BNIP3L: variants seen among roughly 807,000 people sequenced by gnomAD.
BNIP3L encodes the protein BCL2 interacting protein 3 like.
Under a neutral mutation model 25.5 loss-of-function variants are expected in BNIP3L, and 10 were observed. The ratio of observed to expected loss-of-function variants is 0.39; its 90% CI spans 0.24 to 0.67. BNIP3L has a LOEUF of 0.67. BNIP3L is among the 30% of genes least tolerant of loss of function. The pLI, the probability that BNIP3L is intolerant of heterozygous loss-of-function variation, is 0.45. For missense variants in BNIP3L, 215 were observed against 270.9 expected, an observed-to-expected ratio of 0.79 and a Z score of 1.45; for synonymous variants, 113 against 101.2, an observed-to-expected ratio of 1.12 and a Z score of -0.70.
intron 3 of BNIP3L, 21 bp downstream of exon 3, chr8:26,395,323 T>A (rs1323597890): frequency 6.2e-7 from 1 of 1,605,940 alleles, no homozygotes; most frequent in East Asian, 2.2e-5. Context: ...GGGATTCTGA[T>A]TTACAGTAAA....
chr8:26,383,820 TG>T (rs1370731892), intron 1 of BNIP3L, among the ~76,000 whole-genome samples: 1 of 152,160 alleles, frequency 6.6e-6, no homozygotes, highest in Non-Finnish European at 1.5e-5. Flanking sequence ...CAGTCACGTG[TG>T]GGGTGAGAGG....
At position 26,407,926 on chromosome 8, in the gene BNIP3L, CT is replaced by C. The variant is rs148067521; in HGVS notation, c.358-73del. 6.7e-4 allele frequency: 877 copies of C among 1,316,118 alleles called. 12 individuals are homozygous for C. The East Asian group carries it at 0.016, about 24-fold the overall frequency. The allele number at this position is 1,316,118 out of a possible 1,614,324, so 81.5% of individuals were successfully genotyped here. ...CAACCTTATGAGTTTGGTATCTTTT[CT>C]GTCTAGATTTTTCTTTGTATTAGGA... On this transcript the variant is annotated intron_variant, in intron 3 of 5. Coordinates refer to ENST00000380629, the MANE Select transcript of BNIP3L (RefSeq NM_004331.3).
At chr8:26,401,800 A>T (rs904048334) in intron 3 of BNIP3L, among the ~76,000 whole-genome samples, 1 of 152,170 alleles carries the variant, frequency 6.6e-6, no homozygotes, top group African/African-American at 2.4e-5. Context: ...ACATAGATGG[A>T]TATAGTATTA....
intron 3 of BNIP3L, among the ~76,000 whole-genome samples, chr8:26,404,022 C>A (rs999030048): frequency 6.6e-6 from 1 of 152,074 alleles, no homozygotes; most frequent in African/African-American, 2.4e-5. Context: ...TAAATGAATT[C>A]GATTGATAAC....
chr8:26,408,311 C>T lies in BNIP3L; in HGVS notation c.546C>T (p.Ser182=), dbSNP rs14994. The change falls in exon 5 of 6, where the codon TCC becomes TCT. Residue 182 remains serine, a synonymous_variant. Coordinates refer to ENST00000380629, the MANE Select transcript of BNIP3L (RefSeq NM_004331.3). ...SGAMKKGGIF[S]AEFLKVFIPS... is the part of the protein sequence containing the mutation. Reference sequence around the variant, plus strand: ...CCATGAAGAAAGGGGGTATTTTCTCCGCAGAATTTCTGAAGGTGTTCATTC... The same window carrying T: ...CCATGAAGAAAGGGGGTATTTTCTCTGCAGAATTTCTGAAGGTGTTCATTC... 91 of 1,614,132 alleles carry T rather than the reference C, an allele frequency of 5.6e-5. 1 individual carries two copies. Among genetic ancestry groups the T allele is most frequent in the East Asian group, 1.6e-4 (7 of 44,886 alleles).
chr8:26,406,236 C>T (rs1202135047), intron 3 of BNIP3L, among the ~76,000 whole-genome samples: 1 of 152,156 alleles, frequency 6.6e-6, no homozygotes, highest in East Asian at 1.9e-4. Context: ...TAAATTCTGA[C>T]TCAACTTATT....
intron 1 of BNIP3L, among the ~76,000 whole-genome samples, chr8:26,383,968 T>C (rs1805923360): frequency 6.6e-6 from 1 of 152,076 alleles, no homozygotes; most frequent in Admixed American, 6.6e-5. Context: ...CCACCCAAGA[T>C]TGCACACGTC....
intron 2 of BNIP3L, 138 bp from the exon 3 acceptor site, chr8:26,395,092 A>G: frequency 2.8e-6 from 2 of 708,554 alleles, no homozygotes; most frequent in Non-Finnish European, 4.4e-6. Flanking sequence ...TTTTTCTTGT[A>G]TAGGGTTATG....
At chr8:26,401,059 T>C (rs1351541157) in intron 3 of BNIP3L, among the ~76,000 whole-genome samples, 1 of 138,716 alleles carries the variant, frequency 7.2e-6, no homozygotes, top group African/African-American at 2.6e-5. Context: ...AGCCATCCCA[T>C]TACTGGGTAT....
chr8:26,390,838 C>A (rs958769007), intron 1 of BNIP3L, among the ~76,000 whole-genome samples: 1 of 152,100 alleles, frequency 6.6e-6, no homozygotes, highest in African/African-American at 2.4e-5. Context: ...TACAGCTGAG[C>A]AGCTTAGGTA....
chr8:26,401,537 G>A (rs1040765712), intron 3 of BNIP3L, among the ~76,000 whole-genome samples: 44 of 139,062 alleles, frequency 3.2e-4, no homozygotes, highest in African/African-American at 1.2e-3. Context: ...TGCACAATGT[G>A]CACATGTACC....
chr8:26,393,761 A>G (rs1447413070), intron 2 of BNIP3L, among the ~76,000 whole-genome samples: 1 of 152,156 alleles, frequency 6.6e-6, no homozygotes, highest in Non-Finnish European at 1.5e-5. Flanking sequence ...AACTGAGGCC[A>G]GTAGGAGTGC....
At chr8:26,395,325 T>G in intron 3 of BNIP3L, 23 bp downstream of exon 3, 1 of 1,602,072 alleles carries the variant, frequency 6.2e-7, no homozygotes, top group South Asian at 1.1e-5. Flanking sequence ...GATTCTGATT[T>G]ACAGTAAACA....
chr8:26,395,356 T>C lies in BNIP3L; in HGVS notation c.357+54T>C, dbSNP rs993549823. 13 of 1,552,308 alleles carry C rather than the reference T, an allele frequency of 8.4e-6. No individual in the cohort carries two copies. The African/African-American group carries it at 1.6e-4, about 20-fold the overall frequency. On this transcript the variant is annotated intron_variant, in intron 3 of 5. Transcript: ENST00000380629. ...AAACAATTAAGAAAGATGTAAATTC[T>C]CTAAGTATATTTTGCTAAAATAAAT...
chr8:26,383,531 G>A (rs1805906866), intron 1 of BNIP3L: 5 of 249,986 alleles, frequency 2.0e-5, no homozygotes, highest in Non-Finnish European at 3.3e-5. Context: ...GGAGCCGGGC[G>A]GGGCGGGGCG....
At chr8:26,403,899 A>G (rs1465277501) in intron 3 of BNIP3L, among the ~76,000 whole-genome samples, 1 of 152,196 alleles carries the variant, frequency 6.6e-6, no homozygotes, top group Non-Finnish European at 1.5e-5. Flanking sequence ...ACCAGTGGAA[A>G]AAGTGAGGCT....
intron 2 of BNIP3L, among the ~76,000 whole-genome samples, chr8:26,393,435 G>A (rs1806158131): frequency 6.7e-6 from 1 of 148,854 alleles, no homozygotes; most frequent in South Asian, 2.2e-4. Context: ...GGCAGCACAT[G>A]GACTGCATCT....
chr8:26,399,937 A>C (rs1309664175), intron 3 of BNIP3L, among the ~76,000 whole-genome samples: 1 of 150,056 alleles, frequency 6.7e-6, no homozygotes, highest in Non-Finnish European at 1.5e-5. Context: ...ATGGAAGAAC[A>C]TTCCATGCTC....
chr8:26,396,529 CAG>C (rs1806251042), intron 3 of BNIP3L, among the ~76,000 whole-genome samples: 1 of 132,210 alleles, frequency 7.6e-6, no homozygotes, highest in Non-Finnish European at 1.6e-5. Flanking sequence ...GGGGAAAAAA[CAG>C]AACAGAAAAA....
Sources: gnomAD v4.1 joint callset for allele counts (sites outside exome capture counted in the v4.1 genomes callset) on GRCh38, gnomAD v4.1.1 for gene constraint, MANE v1.5 for transcripts, NCBI Gene and HGNC (gene_info 2026-07-23, HGNC 2026-07-21) for gene names.